Variants in KIF15 observed in about 807,000 individuals in gnomAD.
The protein encoded by KIF15 is kinesin family member 15.
In KIF15, 140 loss-of-function variants were observed where a neutral mutation model predicts 190.6. The observed-to-expected ratio is 0.73, with a 90% CI of 0.64 to 0.84. The LOEUF is 0.84. Among genes scored for constraint, KIF15 ranks in the 40% least tolerant of loss-of-function variants. KIF15 has a pLI of 0.00. For missense variants in KIF15, 1,372 were observed against 1,584.4 expected (o/e 0.87, Z 2.28); for synonymous variants, 528 against 551.3 (o/e 0.96, Z 0.59).
intron 24 of KIF15, among the ~76,000 whole-genome samples, chr3:44,829,602 GCATATATAT>G (rs1222374521): frequency 1.4e-4 from 4 of 29,536 alleles, no homozygotes; most frequent in South Asian, 2.6e-3. Context: ...TATTATATAT[GCATATATAT>G]TATATATGTA....
intron 13 of KIF15, 110 bp downstream of exon 13, chr3:44,802,084 ATTC>A (rs1707302978): frequency 1.4e-6 from 1 of 718,172 alleles, no homozygotes; most frequent in Admixed American, 2.9e-5. Flanking sequence ...TTTTAAGTGA[ATTC>A]TTCTGACAGT....
intron 20 of KIF15, among the ~76,000 whole-genome samples, chr3:44,819,218 G>A (rs964633451): frequency 1.3e-5 from 2 of 152,016 alleles, no homozygotes; most frequent in African/African-American, 4.8e-5. Context: ...TTAATTTTCT[G>A]AAGGGTTTTT....
At position 44,766,811 on chromosome 3, in the gene KIF15, T is replaced by C. The variant is rs867118848; in HGVS notation, c.19+4927T>C. 8.2e-3 allele frequency among the ~76,000 whole-genome samples: 1,099 copies of C among 133,758 alleles called. 6 individuals carry two copies. The highest frequency in any genetic ancestry group is 0.028 in the African/African-American group (1,004 of 36,092). The allele number at this position is 133,758 out of a possible 152,430, so 87.8% of individuals were successfully genotyped here. ...TTTCTTTTCTTTTCTTTCTTTCTTT[T>C]TTTTTTTTTTTTTTTTTGAGATGGA... On this transcript the variant is annotated intron_variant, in intron 1 of 34. Transcript: ENST00000326047.
In KIF15 at chr3:44,852,925, AGCAGTCT is replaced by A. The variant is rs1373520689; in HGVS notation, c.*193_*199del. ...CATCCATATACACCCTGTGACAGTC[AGCAGTCT>A]GCTATTAAGTGGCCTACTTCAAGGC... On this transcript the variant is annotated 3_prime_UTR_variant, in exon 35 of 35. Transcript: ENST00000326047. The A allele has an allele frequency of 2.3e-6, 1 of 442,616 alleles. No homozygotes were observed. The allele number at this position is 442,616 out of a possible 1,614,324, so 27.4% of individuals were successfully genotyped here. A position where few individuals can be genotyped will look rare whatever the true frequency, so the allele number is the denominator to read the frequency against.
chr3:44,828,657 TAGTC>T (rs1346821574), intron 24 of KIF15, among the ~76,000 whole-genome samples: 4 of 152,240 alleles, frequency 2.6e-5, no homozygotes, highest in African/African-American at 7.2e-5. Context: ...ATAATAAAAA[TAGTC>T]TGTATGTCCA....
At chr3:44,859,466 A>G (rs910395092) in intron 6 of KIF15, among the ~76,000 whole-genome samples, 1 of 152,054 alleles carries the variant, frequency 6.6e-6, no homozygotes, top group Non-Finnish European at 1.5e-5. Context: ...GGGGTTCAAG[A>G]CCAGCCTGGG....
chr3:44,839,845 T>C (rs867443342), intron 27 of KIF15, among the ~76,000 whole-genome samples: 27 of 152,208 alleles, frequency 1.8e-4, no homozygotes, highest in African/African-American at 5.5e-4. Context: ...TTGTCACAAA[T>C]GACAGAATTT....
chr3:44,774,614 T>C (rs192329090), intron 2 of KIF15, among the ~76,000 whole-genome samples, 177 bp downstream of exon 2: 1 of 152,296 alleles, frequency 6.6e-6, no homozygotes, highest in East Asian at 1.9e-4. Context: ...GGCAAAATGA[T>C]AGAATCAATA....
intron 20 of KIF15, among the ~76,000 whole-genome samples, chr3:44,818,150 G>T (rs1270595342): frequency 6.6e-6 from 1 of 152,182 alleles, no homozygotes; most frequent in African/African-American, 2.4e-5. Flanking sequence ...GGGCTGAGAT[G>T]ATGGGGTTTT....
chr3:44,861,966 G>T, intron 6 of KIF15: 4 of 1,399,120 alleles, frequency 2.9e-6, no homozygotes, highest in South Asian at 1.6e-5. Context: ...CCGTGTCCGC[G>T]ACCGCGTACC....
At chr3:44,784,711 C>T (rs1575590079) in intron 5 of KIF15, 134 bp from the exon 6 acceptor site, 3 of 608,842 alleles carry the variant, frequency 4.9e-6, no homozygotes, top group East Asian at 6.1e-5. Context: ...TCTCACAGAC[C>T]TAGATTTAAC....
rs115558044 is a variant in KIF15 at position 44,815,143 on chromosome 3, A to G, written c.2549+67A>G. 4.1e-3 allele frequency: 5,239 copies of G among 1,285,880 alleles called. 132 individuals carry two copies. The African/African-American group carries it at 0.064, about 16-fold the overall frequency. 79.7% of individuals were successfully genotyped at this position (1,285,880 alleles called of 1,614,324 possible). A position where few individuals can be genotyped will look rare whatever the true frequency, so the allele number is the denominator to read the frequency against. ...GTAACCTACGACTGTTTGAAGTTGG[A>G]AGTGTTATAAACTCAACTCAAAGCA... is the stretch of plus-strand genomic sequence containing the variant. On this transcript the variant is annotated intron_variant, in intron 20 of 34. Coordinates refer to ENST00000326047, the MANE Select transcript of KIF15 (RefSeq NM_020242.3).
chr3:44,866,098 A>G (rs1355769847), intron 6 of KIF15, among the ~76,000 whole-genome samples: 1 of 138,988 alleles, frequency 7.2e-6, no homozygotes. Context: ...TTTTTGAGAC[A>G]GTCTCGCTCT....
intron 1 of KIF15, among the ~76,000 whole-genome samples, chr3:44,768,956 C>A (rs891164499): frequency 6.6e-6 from 1 of 152,118 alleles, no homozygotes; most frequent in Non-Finnish European, 1.5e-5. Context: ...AATCCCGAGG[C>A]CTTTTACTGG....
At chr3:44,767,824 G>A (rs950320868) in intron 1 of KIF15, among the ~76,000 whole-genome samples, 1 of 150,744 alleles carries the variant, frequency 6.6e-6, no homozygotes, top group African/African-American at 2.4e-5. Flanking sequence ...GAGCCCGGGA[G>A]GTGGAGCTTG....
intron 1 of KIF15, among the ~76,000 whole-genome samples, chr3:44,770,127 T>C (rs1487967167): frequency 2.6e-5 from 4 of 152,252 alleles, no homozygotes; most frequent in Admixed American, 2.0e-4. Context: ...GGCAAAAAAC[T>C]TGAAAACAAC....
At chr3:44,829,343 C>T (rs565522630) in intron 24 of KIF15, among the ~76,000 whole-genome samples, 9 of 144,766 alleles carry the variant, frequency 6.2e-5, no homozygotes, top group East Asian at 4.0e-4. Flanking sequence ...GGCAACACAG[C>T]GAGACTCCAT....
At chr3:44,818,695 T>C (rs1210565700) in intron 20 of KIF15, among the ~76,000 whole-genome samples, 2 of 152,226 alleles carry the variant, frequency 1.3e-5, no homozygotes, top group African/African-American at 4.8e-5. Context: ...AATATTGATC[T>C]AAAATTCTCT....
intron 26 of KIF15, among the ~76,000 whole-genome samples, chr3:44,835,502 C>T (rs140868583): frequency 9.3e-4 from 142 of 152,178 alleles, no homozygotes; most frequent in African/African-American, 3.3e-3. Flanking sequence ...CCTCAGCCTC[C>T]CAAATTGCTA....
Sources: gnomAD v4.1 joint callset for allele counts (sites outside exome capture counted in the v4.1 genomes callset) on GRCh38, gnomAD v4.1.1 for gene constraint, MANE v1.5 for transcripts, NCBI Gene and HGNC (gene_info 2026-07-23, HGNC 2026-07-21) for gene names.